KIF24: variants seen among roughly 807,000 people sequenced by gnomAD.
The protein encoded by KIF24 is kinesin-like protein KIF24.
Under a neutral mutation model 118.9 loss-of-function variants are expected in KIF24, and 81 were observed. The observed-to-expected ratio is 0.68, with a 90% CI of 0.57 to 0.82. The LOEUF is 0.82. Among genes scored for constraint, KIF24 ranks in the 40% least tolerant of loss-of-function variants. The pLI is 0.00. For missense variants in KIF24, 1,560 were observed against 1,661.6 expected (o/e 0.94, Z 1.06); for synonymous variants, 599 against 610.0 (o/e 0.98, Z 0.27).
At position 34,318,561 on chromosome 9, in the gene KIF24, G is replaced by T; in HGVS notation, c.-25-7190C>A. On this transcript the variant is annotated intron_variant, in intron 1 of 12. Coordinates refer to ENST00000402558, the MANE Select transcript of KIF24 (RefSeq NM_194313.4). The surrounding 1 kb of genome is among the most constrained non-coding windows in gnomAD (Gnocchi z 4.9). ...GAACACAGCGCCGGCCTGGCCTTCAGCCTGTACCAGGCCATGGCCAAGGAC... is the reference window on the plus strand; with the variant it reads ...GAACACAGCGCCGGCCTGGCCTTCATCCTGTACCAGGCCATGGCCAAGGAC... 1 of 1,204,872 alleles carries T rather than the reference G, an allele frequency of 8.3e-7. No individual in the cohort carries two copies. The highest frequency in any genetic ancestry group is 1.2e-6 in the Non-Finnish European group (1 of 827,344). The allele number at this position is 1,204,872 out of a possible 1,614,324, so 74.6% of individuals were successfully genotyped here. A position where few individuals can be genotyped will look rare whatever the true frequency, so the allele number is the denominator to read the frequency against.
chr9:34,329,349 T>C (rs969801099), upstream of KIF24, among the ~76,000 whole-genome samples: 1 of 152,258 alleles, frequency 6.6e-6, no homozygotes, highest in African/African-American at 2.4e-5. Context: ...GTTCGTTGAC[T>C]TCTCCTCTGG....
At chr9:34,296,977 G>T in intron 4 of KIF24, 40 bp downstream of exon 4, 1 of 1,020,796 alleles carries the variant, frequency 9.8e-7, no homozygotes, top group Non-Finnish European at 1.5e-6. Context: ...ATGGAAAATA[G>T]AAAATAAAAA....
At chr9:34,287,981 C>T (rs1264882327) in intron 5 of KIF24, among the ~76,000 whole-genome samples, 3 of 151,690 alleles carry the variant, frequency 2.0e-5, no homozygotes, top group Admixed American at 2.0e-4. Context: ...ATTTCCCAGG[C>T]CTTAATCTCT....
intron 1 of KIF24, among the ~76,000 whole-genome samples, chr9:34,325,296 G>A (rs1837638589): frequency 6.7e-6 from 1 of 149,234 alleles, no homozygotes; most frequent in African/African-American, 2.5e-5. Flanking sequence ...AGTGAACCAT[G>A]ATGACACCAC....
intron 3 of KIF24, among the ~76,000 whole-genome samples, chr9:34,298,340 G>A (rs1836565176): frequency 6.6e-6 from 1 of 152,280 alleles, no homozygotes; most frequent in East Asian, 1.9e-4. Flanking sequence ...GAGGTCAGGA[G>A]TTTGAGACCA....
At chr9:34,279,695 A>C (rs1363991260) in intron 6 of KIF24, among the ~76,000 whole-genome samples, 1 of 152,266 alleles carries the variant, frequency 6.6e-6, no homozygotes, top group East Asian at 1.9e-4. Context: ...GTAATACTCC[A>C]AGATGACACT....
intron 11 of KIF24, among the ~76,000 whole-genome samples, 162 bp from the exon 12 acceptor site, chr9:34,255,327 C>G (rs1433278758): frequency 1.3e-5 from 2 of 152,122 alleles, no homozygotes; most frequent in Non-Finnish European, 2.9e-5. Context: ...CTCACCTGCT[C>G]TTTCTCAGGA....
chr9:34,262,659 AAAAAAAAAAAAAAAAAAT>A (rs1835103893), intron 9 of KIF24, among the ~76,000 whole-genome samples: 2 of 37,896 alleles, frequency 5.3e-5, no homozygotes, highest in Non-Finnish European at 1.0e-4. Context: ...AAAAAAAAAA[AAAAAAAAAAAAAAAAAAT>A]ATATATATAT....
At chr9:34,313,922 ATT>A (rs5897568) in intron 1 of KIF24, among the ~76,000 whole-genome samples, 56 of 140,118 alleles carry the variant, frequency 4.0e-4, no homozygotes, top group East Asian at 6.3e-4. Context: ...TAATTTTTAC[ATT>A]TTTTTTTTTT....
intron 1 of KIF24, among the ~76,000 whole-genome samples, chr9:34,315,121 T>C (rs962597068): frequency 2.6e-5 from 4 of 152,226 alleles, no homozygotes; most frequent in Non-Finnish European, 5.9e-5. Context: ...GTCATTTCTA[T>C]GTCACTGGTG....
intron 1 of KIF24, among the ~76,000 whole-genome samples, chr9:34,328,823 T>A (rs969807346): frequency 6.6e-6 from 1 of 152,170 alleles, no homozygotes; most frequent in African/African-American, 2.4e-5. Context: ...GTCAGGCTTA[T>A]CGGTTCAAAA....
At chr9:34,319,181 C>G (rs1224343428) in intron 1 of KIF24, 4 of 1,604,900 alleles carry the variant, frequency 2.5e-6, no homozygotes, top group East Asian at 4.5e-5. Flanking sequence ...GGAGATGCCC[C>G]TGGCCCACAA....
At chr9:34,283,499 C>A (rs770277265) in intron 6 of KIF24, among the ~76,000 whole-genome samples, 1 of 152,072 alleles carries the variant, frequency 6.6e-6, no homozygotes, top group African/African-American at 2.4e-5. Context: ...ATATGAACTA[C>A]ATTTTAATTT....
chr9:34,271,977 GC>G, intron 6 of KIF24, 47 bp from the exon 7 acceptor site: 2 of 1,532,650 alleles, frequency 1.3e-6, no homozygotes, highest in East Asian at 2.4e-5. Flanking sequence ...GTAAACAAAA[GC>G]CTCTGGCTAC....
intron 4 of KIF24, 35 bp from the exon 5 acceptor site, chr9:34,290,424 T>G: frequency 7.7e-7 from 1 of 1,301,258 alleles, no homozygotes; most frequent in Non-Finnish European, 1.1e-6. Context: ...CTTATGCATA[T>G]TAAGAGAAGT....
chr9:34,270,232 AT>A (rs1256578350), intron 7 of KIF24, among the ~76,000 whole-genome samples: 1 of 148,712 alleles, frequency 6.7e-6, no homozygotes, highest in Admixed American at 6.7e-5. Context: ...AAAAAAAAAA[AT>A]TGGCTGGGCA....
At chr9:34,276,647 T>C (rs938803977) in intron 6 of KIF24, among the ~76,000 whole-genome samples, 1 of 152,216 alleles carries the variant, frequency 6.6e-6, no homozygotes, top group African/African-American at 2.4e-5. Flanking sequence ...TTCTAAAGAT[T>C]ATCTGTATGT....
In KIF24 at chr9:34,306,442, CTAATA is replaced by C. The variant is rs1431677459; in HGVS notation, c.624-6_624-2del. 6.4e-7 allele frequency: 1 copy of C among 1,572,242 alleles called. No individual in the cohort carries two copies. The highest frequency in any genetic ancestry group is 8.6e-7 in the Non-Finnish European group (1 of 1,160,032). On this transcript the variant is annotated splice_acceptor_variant and splice_polypyrimidine_tract_variant and intron_variant, in intron 2 of 12. Transcript: ENST00000402558. LOFTEE classifies it high-confidence loss of function. Reference sequence around the variant, plus strand: ...ATTCTGTTTCTCTGAAGTGTTCTGTCTAATATGTTTATAAACAGGCTTTTAATTTT... The same window carrying C: ...ATTCTGTTTCTCTGAAGTGTTCTGTCTGTTTATAAACAGGCTTTTAATTTT...
rs942597631 is a variant in KIF24 at position 34,270,183 on chromosome 9, T to C, written c.1338-821A>G. Among the ~76,000 whole-genome samples, 3 of 142,684 alleles carry C rather than the reference T, an allele frequency of 2.1e-5. No homozygotes were observed. The Admixed American group carries it at 2.2e-4, about 10-fold the overall frequency. 93.6% of individuals were successfully genotyped at this position (142,684 alleles called of 152,430 possible). A position where few individuals can be genotyped will look rare whatever the true frequency, so the allele number is the denominator to read the frequency against. On this transcript the variant is annotated intron_variant, in intron 7 of 12. Coordinates refer to ENST00000402558, the MANE Select transcript of KIF24 (RefSeq NM_194313.4). Reference sequence around the variant, plus strand: ...TTGCAGTGAGCCAAGATCACGCCACTACACTCCAGCCTGGCGACAGCAAGA... The same window carrying C: ...TTGCAGTGAGCCAAGATCACGCCACCACACTCCAGCCTGGCGACAGCAAGA...
Sources: gnomAD v4.1 joint callset for allele counts (sites outside exome capture counted in the v4.1 genomes callset) on GRCh38, gnomAD v4.1.1 for gene constraint, Gnocchi (gnomAD v3.1) non-coding constraint, MANE v1.5 for transcripts, NCBI Gene and HGNC (gene_info 2026-07-23, HGNC 2026-07-21) for gene names.